Variants in PCMTD1 observed in about 807,000 individuals in gnomAD.
PCMTD1 encodes protein-L-isoaspartate (D-aspartate) O-methyltransferase domain containing 1.
PCMTD1 carries 12 observed loss-of-function variants against 37.6 expected under a neutral mutation model. That is an observed-to-expected ratio of 0.32 (90% CI 0.20 to 0.52). The LOEUF (loss-of-function observed/expected upper bound fraction) is 0.52, where lower values mean the gene tolerates loss of function less well. PCMTD1 is among the 20% of genes least tolerant of loss of function. The pLI, the probability that PCMTD1 is intolerant of heterozygous loss-of-function variation, is 0.97. For synonymous variants in PCMTD1, 117 were observed against 135.8 expected (o/e 0.86, Z 0.96); for missense variants, 235 against 421.3 (o/e 0.56, Z 3.87).
rs548779793 is a variant in PCMTD1 at position 51,876,461 on chromosome 8, G to C, written c.-95-15215C>G. Among the ~76,000 whole-genome samples, 31 of 152,222 alleles carry C rather than the reference G, an allele frequency of 2.0e-4. No homozygotes were observed. In the South Asian group the frequency reaches 6.4e-3, roughly 32 times the overall value. On this transcript the variant is annotated intron_variant, in intron 1 of 5. Transcript: ENST00000522514. Reference sequence around the variant, plus strand: ...ATTTTTCCTTGCTTATGAAGGCCTAGAATACACAGGCAGATGTAAGAAACC... The same window carrying C: ...ATTTTTCCTTGCTTATGAAGGCCTACAATACACAGGCAGATGTAAGAAACC...
Position 51,881,172 on chromosome 8 carries a change from G to C in PCMTD1, c.-96+17758C>G, listed in dbSNP as rs577998495. 6.6e-5 allele frequency among the ~76,000 whole-genome samples: 10 copies of C among 152,244 alleles called. No individual in the cohort carries two copies. The South Asian group carries it at 1.4e-3, about 22-fold the overall frequency. Reference sequence around the variant, plus strand: ...CTCATCTTGCAAACTTCTGATCATGGAACAAGCCAATAATCTCTCTTCTCC... The same window carrying C: ...CTCATCTTGCAAACTTCTGATCATGCAACAAGCCAATAATCTCTCTTCTCC... On this transcript the variant is annotated intron_variant, in intron 1 of 5. Coordinates refer to ENST00000522514, the MANE Select transcript of PCMTD1 (RefSeq NM_052937.4).
At chr8:51,891,520 C>T (rs2038935470) in intron 1 of PCMTD1, among the ~76,000 whole-genome samples, 1 of 151,884 alleles carries the variant, frequency 6.6e-6, no homozygotes, top group South Asian at 2.1e-4. Flanking sequence ...CGCACTACTG[C>T]ACTCCAGGCT....
chr8:51,837,268 A>T (rs1314643352), intron 3 of PCMTD1, among the ~76,000 whole-genome samples: 1 of 152,188 alleles, frequency 6.6e-6, no homozygotes, highest in Non-Finnish European at 1.5e-5. Flanking sequence ...TAGCAAACAC[A>T]AAAGGGGTCT....
chr8:51,834,502 AC>A (rs1214271037), intron 3 of PCMTD1, among the ~76,000 whole-genome samples: 2 of 152,166 alleles, frequency 1.3e-5, no homozygotes, highest in East Asian at 3.9e-4. Flanking sequence ...CGTAATTAAA[AC>A]CCCAATGCAC....
At chr8:51,876,296 T>C (rs921809430) in intron 1 of PCMTD1, among the ~76,000 whole-genome samples, 1 of 152,202 alleles carries the variant, frequency 6.6e-6, no homozygotes, top group Admixed American at 6.5e-5. Context: ...ATGGAAAGAT[T>C]GGGTATAGCC....
At chr8:51,849,413 C>T (rs946768595) in intron 2 of PCMTD1, 6 of 151,746 alleles carry the variant, frequency 4.0e-5, no homozygotes, top group Non-Finnish European at 7.4e-5. Flanking sequence ...ATTTTGTATT[C>T]GCCAATGTAA....
Position 51,860,894 on chromosome 8 carries a change from G to A in PCMTD1, c.258C>T (p.Asn86=). ...LKLQPGLSFL[N]LGSGTGYLST... is the part of the protein sequence containing the mutation. ...TTAAATATCCGGTTCCACTTCCCAGGTTAAGAAAAGACAATCCTGGTTGAA... is the reference window on the plus strand; with the variant it reads ...TTAAATATCCGGTTCCACTTCCCAGATTAAGAAAAGACAATCCTGGTTGAA... The change falls in exon 2 of 6, where the codon AAC becomes AAT. Residue 86 remains asparagine, a synonymous_variant. Transcript: ENST00000522514. 6.2e-7 allele frequency: 1 copy of A among 1,613,828 alleles called. No individual in the cohort carries two copies. The highest frequency in any genetic ancestry group is 1.1e-5 in the South Asian group (1 of 91,062).
chr8:51,846,071 G>A (rs1326572393), intron 2 of PCMTD1, among the ~76,000 whole-genome samples: 1 of 152,112 alleles, frequency 6.6e-6, no homozygotes, highest in Non-Finnish European at 1.5e-5. Flanking sequence ...CAAAAGAATA[G>A]TATTTCTAAG....
chr8:51,886,030 T>C (rs755410762), intron 1 of PCMTD1, among the ~76,000 whole-genome samples: 8 of 152,244 alleles, frequency 5.3e-5, no homozygotes, highest in Admixed American at 1.3e-4. Context: ...ACAAAGACTA[T>C]GTACAGTTTC....
At chr8:51,823,810 AACCG>A (rs2037881856) in intron 5 of PCMTD1, among the ~76,000 whole-genome samples, 1 of 152,220 alleles carries the variant, frequency 6.6e-6, no homozygotes, top group South Asian at 2.1e-4. Context: ...AATACTGGCA[AACCG>A]AATCCAGCAG....
chr8:51,827,473 C>A, intron 5 of PCMTD1: 1 of 348,026 alleles, frequency 2.9e-6, no homozygotes, highest in Non-Finnish European at 5.8e-6. Flanking sequence ...GGATGTGAAT[C>A]ACCCCTCTGT....
At chr8:51,836,016 T>A (rs891513709) in intron 3 of PCMTD1, among the ~76,000 whole-genome samples, 1 of 152,216 alleles carries the variant, frequency 6.6e-6, no homozygotes, top group African/African-American at 2.4e-5. Context: ...CTTTGTGCAA[T>A]GACTGAGAAT....
chr8:51,820,521 T>C lies in PCMTD1; in HGVS notation c.904A>G (p.Ser302Gly), dbSNP rs1201925299. The C allele has an allele frequency of 6.2e-7, 1 of 1,613,424 alleles. No homozygotes were observed. Among genetic ancestry groups the C allele is most frequent in the Admixed American group, 1.7e-5 (1 of 59,918 alleles). Residue 302 changes from serine to glycine, a missense_variant, in exon 6 of 6, where the codon AGT becomes GGT. Coordinates refer to ENST00000522514, the MANE Select transcript of PCMTD1 (RefSeq NM_052937.4). ...GNQLIPQPLD[S>G]EEDEKMEEDN... ...TCTTCCATTTTTTCATCCTCTTCAC[T>C]GTCTAGAGGCTGAGGAATAAGCTGA... is the stretch of plus-strand genomic sequence containing the variant.
intron 2 of PCMTD1, 25 bp from the exon 3 acceptor site, chr8:51,845,788 A>G (rs747487054): frequency 4.2e-5 from 64 of 1,508,540 alleles, no homozygotes; most frequent in Admixed American, 1.9e-4. Flanking sequence ...GCATTTTTAT[A>G]AAAAATATTA....
intron 3 of PCMTD1, among the ~76,000 whole-genome samples, chr8:51,834,192 C>G (rs13281179): frequency 0.69 from 104,531 of 152,110 alleles, 42,396 homozygotes; most frequent in Non-Finnish European, 0.9. Context: ...AGTGTCCTGA[C>G]CACATACCCC....
At chr8:51,837,731 A>C (rs1169188383) in intron 3 of PCMTD1, among the ~76,000 whole-genome samples, 2 of 152,196 alleles carry the variant, frequency 1.3e-5, no homozygotes, top group Non-Finnish European at 2.9e-5. Context: ...ACTGTTAAGA[A>C]TCTTAGACGT....
intron 2 of PCMTD1, among the ~76,000 whole-genome samples, chr8:51,860,282 C>A (rs2038452340): frequency 6.6e-6 from 1 of 152,212 alleles, no homozygotes; most frequent in African/African-American, 2.4e-5. Flanking sequence ...CCAGTAAGCT[C>A]TTTGAGGGCA....
At chr8:51,883,714 G>C (rs933902993) in intron 1 of PCMTD1, among the ~76,000 whole-genome samples, 24 of 152,132 alleles carry the variant, frequency 1.6e-4, no homozygotes, top group African/African-American at 5.8e-4. Flanking sequence ...GGTTACAAGA[G>C]CTTTTTTTTG....
chr8:51,856,635 G>C (rs960896208), intron 2 of PCMTD1, among the ~76,000 whole-genome samples: 1 of 152,136 alleles, frequency 6.6e-6, no homozygotes, highest in Non-Finnish European at 1.5e-5. Context: ...TAAACAAAAC[G>C]TAGTGTATAT....
Sources: allele counts gnomAD v4.1 joint callset (sites outside exome capture counted in the v4.1 genomes callset), GRCh38; gene constraint gnomAD v4.1.1; transcripts MANE v1.5; gene names NCBI Gene and HGNC (gene_info 2026-07-23, HGNC 2026-07-21).